MED15: variants seen among roughly 807,000 people sequenced by gnomAD.
The protein encoded by MED15 is mediator of RNA polymerase II transcription subunit 15.
Under a neutral mutation model 118.7 loss-of-function variants are expected in MED15, and 41 were observed. That is an observed-to-expected ratio of 0.35 (90% CI 0.27 to 0.45). The LOEUF (loss-of-function observed/expected upper bound fraction) is 0.45, where lower values mean the gene tolerates loss of function less well. Ranked by LOEUF, MED15 falls within the 20% of genes least tolerant of loss-of-function variation. The pLI is 1.00. For missense variants in MED15, 740 were observed against 1,025.5 expected (o/e 0.72, Z 3.80); for synonymous variants, 436 against 413.9 (o/e 1.05, Z -0.65).
chr22:20,510,925 CGGGAAGAGCA>C (rs1414652749), intron 1 of MED15, among the ~76,000 whole-genome samples: 3 of 152,120 alleles, frequency 2.0e-5, no homozygotes, highest in African/African-American at 7.2e-5. Flanking sequence ...CTACCACAGC[CGGGAAGAGCA>C]GTTTCAGAGG....
At chr22:20,507,838 G>A in intron 1 of MED15, 92 bp downstream of exon 1, 1 of 1,563,226 alleles carries the variant, frequency 6.4e-7, no homozygotes, top group Admixed American at 1.9e-5. Flanking sequence ...AGAAACCTAC[G>A]GCGCCGGGAG....
chr22:20,570,726 T>TTTTCTTTCTTTCTTTC (rs1359924164), intron 8 of MED15, among the ~76,000 whole-genome samples: 63 of 113,840 alleles, frequency 5.5e-4, no homozygotes, highest in South Asian at 1.5e-3. Context: ...TTCTCTTTTC[T>TTTTCTTTCTTTCTTTC]TTTCTTTCTT....
At chr22:20,530,248 C>T (rs2054805233) in intron 1 of MED15, among the ~76,000 whole-genome samples, 1 of 152,170 alleles carries the variant, frequency 6.6e-6, no homozygotes, top group Non-Finnish European at 1.5e-5. Context: ...CAGCAATTTA[C>T]TGGGAGGCTT....
intron 2 of MED15, among the ~76,000 whole-genome samples, chr22:20,546,506 TTTTTG>T (rs1159382436): frequency 1.3e-5 from 2 of 149,100 alleles, no homozygotes; most frequent in African/African-American, 2.5e-5. Context: ...CATGGAGTTT[TTTTTG>T]TTTTTTTTTT....
chr22:20,542,375 A>C (rs2055347071), intron 2 of MED15, among the ~76,000 whole-genome samples: 1 of 152,238 alleles, frequency 6.6e-6, no homozygotes, highest in Non-Finnish European at 1.5e-5. Context: ...CCATACAATG[A>C]ATATCATGTG....
At chr22:20,550,379 C>G (rs1302247373) in intron 2 of MED15, among the ~76,000 whole-genome samples, 2 of 152,166 alleles carry the variant, frequency 1.3e-5, no homozygotes, top group African/African-American at 4.8e-5. Flanking sequence ...TTGTCCTGTG[C>G]TAATTCCCCG....
At chr22:20,526,104 A>G (rs1240956640) in intron 1 of MED15, among the ~76,000 whole-genome samples, 1 of 151,856 alleles carries the variant, frequency 6.6e-6, no homozygotes, top group Non-Finnish European at 1.5e-5. Flanking sequence ...TATTTTTTGT[A>G]GAGATGGGGT....
At chr22:20,560,470 G>A (rs165779) in intron 5 of MED15, among the ~76,000 whole-genome samples, 26,885 of 152,018 alleles carry the variant, frequency 0.18, 2,846 homozygotes, top group South Asian at 0.25. Flanking sequence ...TCACCATGTT[G>A]GCCAGGATGT....
At chr22:20,564,390 C>T in intron 5 of MED15, 60 bp from the exon 6 acceptor site, 1 of 1,600,016 alleles carries the variant, frequency 6.2e-7, no homozygotes, top group South Asian at 1.1e-5. Flanking sequence ...GCTGTGCAGC[C>T]CTGCAGCGTT....
At chr22:20,560,635 A>C (rs1234101023) in intron 5 of MED15, among the ~76,000 whole-genome samples, 2 of 152,144 alleles carry the variant, frequency 1.3e-5, no homozygotes, top group Non-Finnish European at 2.9e-5. Flanking sequence ...GGCTCAGGCG[A>C]TCTGCTCTGC....
intron 1 of MED15, among the ~76,000 whole-genome samples, chr22:20,530,900 G>C (rs1454381944): frequency 6.6e-6 from 1 of 152,182 alleles, no homozygotes; most frequent in Non-Finnish European, 1.5e-5. Flanking sequence ...CTCAACACAT[G>C]GCGGAGGTGT....
At chr22:20,515,659 G>A (rs1023467552) in intron 1 of MED15, among the ~76,000 whole-genome samples, 1 of 151,682 alleles carries the variant, frequency 6.6e-6, no homozygotes, top group Non-Finnish European at 1.5e-5. Flanking sequence ...GCATGGTGGC[G>A]GGCACCTGTA....
At chr22:20,533,350 T>G (rs1430846766) in intron 1 of MED15, among the ~76,000 whole-genome samples, 1 of 152,186 alleles carries the variant, frequency 6.6e-6, no homozygotes, top group Non-Finnish European at 1.5e-5. Context: ...GCTGCAGAGT[T>G]CCTGGGTTCT....
At chr22:20,557,835 G>T (rs1209043509) in intron 5 of MED15, among the ~76,000 whole-genome samples, 1 of 152,180 alleles carries the variant, frequency 6.6e-6, no homozygotes, top group African/African-American at 2.4e-5. Flanking sequence ...GGCTGGGCAC[G>T]GTGGCTCACG....
chr22:20,508,170 G>A (rs2053937143), intron 1 of MED15: 2 of 1,217,612 alleles, frequency 1.6e-6, no homozygotes, highest in Non-Finnish European at 2.1e-6. Context: ...ATGGGAGGAG[G>A]GTGGATGTAA....
chr22:20,529,448 G>A (rs183229531), intron 1 of MED15, among the ~76,000 whole-genome samples: 11 of 151,120 alleles, frequency 7.3e-5, no homozygotes, highest in Non-Finnish European at 1.6e-4. Context: ...TTTTGAGACA[G>A]AGTTTTACTC....
chr22:20,529,436 T>A (rs1248342896), intron 1 of MED15, among the ~76,000 whole-genome samples: 1 of 151,926 alleles, frequency 6.6e-6, no homozygotes, highest in Non-Finnish European at 1.5e-5. Context: ...ACGTATATAT[T>A]TTTTTGAGAC....
intron 2 of MED15, among the ~76,000 whole-genome samples, chr22:20,546,626 A>G (rs923133417): frequency 7.4e-5 from 11 of 148,672 alleles, no homozygotes; most frequent in Non-Finnish European, 1.6e-4. Flanking sequence ...TTTCCAGTCT[A>G]AGGAGTCCCC....
At chr22:20,563,245 C>T (rs1359966210) in intron 5 of MED15, among the ~76,000 whole-genome samples, 1 of 152,152 alleles carries the variant, frequency 6.6e-6, no homozygotes, top group Non-Finnish European at 1.5e-5. Context: ...AACCCATGCA[C>T]GAATTTTAAC....
Sources: gnomAD v4.1 joint callset for allele counts (sites outside exome capture counted in the v4.1 genomes callset) on GRCh38, gnomAD v4.1.1 for gene constraint, MANE v1.5 for transcripts, NCBI Gene and HGNC (gene_info 2026-07-23, HGNC 2026-07-21) for gene names.